The following TENM3 variants were observed in gnomAD, a reference collection of about 807,000 sequenced individuals.
TENM3 encodes the protein teneurin transmembrane protein 3.
A neutral mutation model predicts 255.1 loss-of-function variants in TENM3; 63 were observed. The observed-to-expected ratio is 0.25, with a 90% confidence interval of 0.20 to 0.30. The LOEUF (loss-of-function observed/expected upper bound fraction) is 0.30, where lower values mean the gene tolerates loss of function less well. Among genes scored for constraint, TENM3 ranks in the 10% least tolerant of loss-of-function variants. TENM3 has a pLI of 1.00. For missense variants in TENM3, 2,929 were observed against 3,461.1 expected (o/e 0.85, Z 3.86); for synonymous variants, 1,306 against 1,322.3 (o/e 0.99, Z 0.27).
the TENM3 span, among the ~76,000 whole-genome samples, chr4:182,056,601 A>C: frequency 1.3e-5 from 2 of 152,166 alleles, no homozygotes; most frequent in African/African-American, 4.8e-5. Context: ...TGATATTGCA[A>C]AGTTTGCCAC....
intron 1 of TENM3, among the ~76,000 whole-genome samples, chr4:182,160,002 T>C (rs758077972): frequency 2.0e-5 from 3 of 152,012 alleles, no homozygotes; most frequent in Non-Finnish European, 2.9e-5. Flanking sequence ...ATTCTAAGTA[T>C]ATTCCGGTTC....
the TENM3 span, among the ~76,000 whole-genome samples, chr4:181,850,563 A>T: frequency 6.6e-6 from 1 of 152,148 alleles, no homozygotes; most frequent in Non-Finnish European, 1.5e-5. Flanking sequence ...GGTTTTTTAG[A>T]TTTTGAATTA....
At chr4:182,214,792 G>T (rs1755340306) in intron 1 of TENM3, among the ~76,000 whole-genome samples, 1 of 152,028 alleles carries the variant, frequency 6.6e-6, no homozygotes, top group Non-Finnish European at 1.5e-5. Context: ...TTGCGACAGT[G>T]GTTCTATTCT....
chr4:181,895,620 C>T, the TENM3 span, among the ~76,000 whole-genome samples: 1 of 141,264 alleles, frequency 7.1e-6, no homozygotes, highest in Admixed American at 7.8e-5. Flanking sequence ...TCATAGCTCA[C>T]TGCAGTCTTG....
the TENM3 span, among the ~76,000 whole-genome samples, chr4:181,746,423 A>G: frequency 6.6e-6 from 1 of 152,098 alleles, no homozygotes; most frequent in African/African-American, 2.4e-5. Flanking sequence ...TCTCCAAGGA[A>G]TGCAGGCGAA....
the TENM3 span, among the ~76,000 whole-genome samples, chr4:181,705,769 G>A: frequency 2.0e-5 from 3 of 152,062 alleles, no homozygotes; most frequent in Non-Finnish European, 4.4e-5. Context: ...AAATTTATAT[G>A]CCTGTTTAAC....
intron 13 of TENM3, among the ~76,000 whole-genome samples, chr4:182,725,208 T>C (rs555907774): frequency 6.6e-6 from 1 of 152,254 alleles, no homozygotes; most frequent in Non-Finnish European, 1.5e-5. Flanking sequence ...TGGCTAAGTT[T>C]TCTAACTTTT....
At chr4:181,689,750 C>A in the TENM3 span, among the ~76,000 whole-genome samples, 3 of 152,104 alleles carry the variant, frequency 2.0e-5, no homozygotes, top group Non-Finnish European at 1.5e-5. Context: ...AAGCAGTTTT[C>A]ACTGTAAAGG....
the TENM3 span, among the ~76,000 whole-genome samples, chr4:181,768,916 T>C: frequency 1.3e-5 from 2 of 152,190 alleles, no homozygotes; most frequent in African/African-American, 4.8e-5. Context: ...TCCTTTCCTT[T>C]TTTTAAATCT....
At chr4:182,149,293 GAA>G (rs1750171896) in intron 1 of TENM3, among the ~76,000 whole-genome samples, 1 of 151,906 alleles carries the variant, frequency 6.6e-6, no homozygotes, top group Non-Finnish European at 1.5e-5. Context: ...TCAAAATGCA[GAA>G]ACATGCCCTG....
the TENM3 span, among the ~76,000 whole-genome samples, chr4:181,670,032 T>C: frequency 6.6e-6 from 1 of 152,198 alleles, no homozygotes; most frequent in African/African-American, 2.4e-5. Context: ...AATTTTATTT[T>C]CATAGATATA....
chr4:182,113,958 A>C, the TENM3 span, among the ~76,000 whole-genome samples: 4 of 152,228 alleles, frequency 2.6e-5, no homozygotes, highest in Admixed American at 6.5e-5. Context: ...ATCATTATAA[A>C]TATTGCACAA....
chr4:182,379,908 C>T (rs1430978610), intron 3 of TENM3, among the ~76,000 whole-genome samples: 1 of 152,108 alleles, frequency 6.6e-6, no homozygotes, highest in Admixed American at 6.5e-5. Context: ...CAAGTATTTA[C>T]CAGACCTCTT....
intron 3 of TENM3, among the ~76,000 whole-genome samples, chr4:182,374,845 G>A (rs1452280687): frequency 1.3e-5 from 2 of 152,102 alleles, no homozygotes; most frequent in Non-Finnish European, 2.9e-5. Context: ...ACCTTCTCAG[G>A]AAAACTTAAA....
the TENM3 span, among the ~76,000 whole-genome samples, chr4:182,127,520 C>A: frequency 3.3e-5 from 5 of 152,180 alleles, no homozygotes; most frequent in African/African-American, 1.2e-4. Context: ...GATGCATGTT[C>A]TTTAAGGGAA....
chr4:181,649,015 CA>C, the TENM3 span, among the ~76,000 whole-genome samples: 1 of 152,198 alleles, frequency 6.6e-6, no homozygotes, highest in East Asian at 1.9e-4. Context: ...AGGTGCACTT[CA>C]AAAAATATTG....
intron 1 of TENM3, among the ~76,000 whole-genome samples, chr4:182,268,927 T>C (rs549382423): frequency 1.2e-4 from 18 of 152,306 alleles, no homozygotes; most frequent in African/African-American, 4.3e-4. Context: ...AAGTTTGCTG[T>C]CACTTTGGAC....
rs377388732 is a variant in TENM3, at chr4:182,743,352, G to A, written c.3562G>A (p.Val1188Ile). The stretch of plus-strand genomic sequence containing the variant: ...TTGTGGGATCGATGGCAGTCTGTAC[G>A]TAGGCGATTTCAACTATGTGCGGCG... ...LACGIDGSLY[V>I]GDFNYVRRIF... Residue 1188 changes from valine to isoleucine, a missense_variant, in exon 19 of 28, where the codon GTA (valine) becomes ATA (isoleucine). Around this residue, in one of 6 missense-constraint regions of TENM3, gnomAD observed 1,608 missense variants for 1,884.4 expected, o/e 0.85. Coordinates refer to ENST00000511685, the MANE Select transcript of TENM3 (RefSeq NM_001080477.4). 7.9e-5 allele frequency: 128 copies of A among 1,613,990 alleles called. 4 individuals are homozygous for A. The highest frequency in any genetic ancestry group is 6.5e-4 in the South Asian group (59 of 91,088).
intron 3 of TENM3, among the ~76,000 whole-genome samples, chr4:182,469,132 G>A (rs546704091): frequency 5.9e-5 from 9 of 152,036 alleles, no homozygotes; most frequent in Non-Finnish European, 1.3e-4. Context: ...CATTATTTGT[G>A]ATTAGTTTAT....
Sources: allele counts gnomAD v4.1 joint callset (sites outside exome capture counted in the v4.1 genomes callset), GRCh38; gene constraint gnomAD v4.1.1; regional missense constraint gnomAD v4.1.1; transcripts MANE v1.5; gene names NCBI Gene and HGNC (gene_info 2026-07-23, HGNC 2026-07-21).